GNAS: variants seen among roughly 807,000 people sequenced by gnomAD.
GNAS encodes the protein GNAS complex locus.
Under a neutral mutation model 54.5 loss-of-function variants are expected in GNAS, and 8 were observed. The ratio of observed to expected loss-of-function variants is 0.15; its 90% confidence interval spans 0.09 to 0.26. The LOEUF (loss-of-function observed/expected upper bound fraction) is 0.26. Among genes scored for constraint, GNAS ranks in the 10% least tolerant of loss-of-function variants. The pLI, the probability that GNAS is intolerant of heterozygous loss-of-function variation, is 1.00. For missense variants in GNAS, 170 were observed against 529.8 expected (o/e 0.32, Z 6.67); for synonymous variants, 204 against 191.4 (o/e 1.07, Z -0.54).
rs200894273 is a variant in GNAS, at chr20:58,898,873, CTGTG to C, written c.213-65_213-62del. ...CTGATGGTTGAGGAATGTAGAGAGA[CTGTG>C]TGGGGTTTGTGTGACACTGCGGTGC... On this transcript the variant is annotated intron_variant, in intron 2 of 12. Transcript: ENST00000371085. 6.8e-5 allele frequency: 87 copies of C among 1,274,028 alleles called. No homozygotes were observed. In the African/African-American group the frequency reaches 1.0e-3, roughly 15 times the overall value. 78.9% of individuals were successfully genotyped at this position (1,274,028 alleles called of 1,614,324 possible).
chr20:58,851,871 C>A (rs954111592), intron 1 of GNAS, among the ~76,000 whole-genome samples: 4 of 152,214 alleles, frequency 2.6e-5, no homozygotes, highest in South Asian at 2.1e-4. Flanking sequence ...GACTGACCAG[C>A]GCTGCGGCCG....
chr20:58,902,308 C>T (rs1246579986), intron 3 of GNAS, among the ~76,000 whole-genome samples: 1 of 152,142 alleles, frequency 6.6e-6, no homozygotes, highest in African/African-American at 2.4e-5. Context: ...TTCTTGCCCT[C>T]TAAAAACATA....
chr20:58,840,832 C>T (rs1228262845), upstream of GNAS: 1 of 1,612,788 alleles, frequency 6.2e-7, no homozygotes, highest in Non-Finnish European at 8.5e-7. This position sits in a 1 kb window ranked among gnomAD's most constrained non-coding sequence, Gnocchi z 6.0. Flanking sequence ...CCATCCCCAT[C>T]CGGCGTCACT....
chr20:58,867,866 A>G (rs963732603), intron 1 of GNAS, among the ~76,000 whole-genome samples: 16 of 152,182 alleles, frequency 1.1e-4, no homozygotes, highest in African/African-American at 3.6e-4. Context: ...AAGACACAAG[A>G]TGGGGGCAGG....
At chr20:58,842,254 A>G (rs2085766909) in intron 1 of GNAS, 2 of 398,298 alleles carry the variant, frequency 5.0e-6, no homozygotes, top group African/African-American at 2.1e-5. Flanking sequence ...GTCTTTAAAA[A>G]ATCTCATCCG....
At chr20:58,843,814 C>A (rs1470717149) in intron 1 of GNAS, among the ~76,000 whole-genome samples, 1 of 152,166 alleles carries the variant, frequency 6.6e-6, no homozygotes, top group Non-Finnish European at 1.5e-5. Context: ...CTTATCTGAG[C>A]TGGGAATTTA....
At chr20:58,850,875 C>T in intron 1 of GNAS, 1 of 398,840 alleles carries the variant, frequency 2.5e-6, no homozygotes, top group Non-Finnish European at 4.4e-6. Context: ...AGCAGCACCT[C>T]TTCGGGCGTT....
intron 2 of GNAS, chr20:58,897,369 A>C (rs553349848): frequency 1.3e-5 from 2 of 152,372 alleles, no homozygotes; most frequent in African/African-American, 4.8e-5. Flanking sequence ...TGCAACTTGC[A>C]GGAGTACTTA....
intron 1 of GNAS, among the ~76,000 whole-genome samples, chr20:58,869,895 G>A (rs967667255): frequency 6.6e-6 from 1 of 152,162 alleles, no homozygotes; most frequent in African/African-American, 2.4e-5. Flanking sequence ...TCGTTTCCAC[G>A]GGAGGGGAAG....
chr20:58,865,480 T>A (rs1426405178), intron 1 of GNAS, among the ~76,000 whole-genome samples: 1 of 147,988 alleles, frequency 6.8e-6, no homozygotes, highest in East Asian at 1.9e-4. Context: ...ATACAAAATA[T>A]ATATAATATG....
intron 1 of GNAS, chr20:58,895,354 CAAAAGA>C (rs1274150857): frequency 2.1e-6 from 1 of 479,426 alleles, no homozygotes; most frequent in African/African-American, 2.0e-5. Flanking sequence ...TTTAAACAAT[CAAAAGA>C]AAAATTAAAA....
chr20:58,852,584 C>G (rs1165172278), intron 1 of GNAS: 1 of 177,774 alleles, frequency 5.6e-6, no homozygotes, highest in African/African-American at 2.4e-5. Context: ...GTCCCCCCTC[C>G]CCCGAGGAGT....
intron 1 of GNAS, among the ~76,000 whole-genome samples, chr20:58,880,326 G>T (rs2088142900): frequency 6.6e-6 from 1 of 152,158 alleles, no homozygotes; most frequent in South Asian, 2.1e-4. Flanking sequence ...TGCAGGCAGG[G>T]CAGAGCCCAG....
intron 2 of GNAS, chr20:58,897,680 G>A (rs1423742450): frequency 6.6e-6 from 1 of 152,204 alleles, no homozygotes; most frequent in Non-Finnish European, 1.5e-5. Context: ...TTTGGAAAGA[G>A]GAAGCAACAT....
chr20:58,840,172 G>A (rs1380642653), upstream of GNAS: 3 of 1,611,588 alleles, frequency 1.9e-6, no homozygotes, highest in Admixed American at 1.7e-5. The surrounding 1 kb of genome is among the most constrained non-coding windows in gnomAD (Gnocchi z 6.0). Context: ...ACCTGTGCCC[G>A]CCCATAGGCC....
chr20:58,889,382 C>CG, upstream of GNAS: 1 of 983,596 alleles, frequency 1.0e-6, no homozygotes, highest in Non-Finnish European at 1.2e-6. Context: ...GGGCCTCCCG[C>CG]GGAAGTGCGA....
At chr20:58,846,382 C>T (rs1467331887) in intron 1 of GNAS, among the ~76,000 whole-genome samples, 2 of 152,172 alleles carry the variant, frequency 1.3e-5, no homozygotes, top group African/African-American at 2.4e-5. Context: ...CATTGGAGGG[C>T]TACCAATGAG....
At chr20:58,889,757 G>A (rs2088949942), upstream of GNAS, among the ~76,000 whole-genome samples, 1 of 149,342 alleles carries the variant, frequency 6.7e-6, no homozygotes, top group South Asian at 2.1e-4. Flanking sequence ...CCGGGGCAGC[G>A]CGGCGGGAAC....
intron 1 of GNAS, among the ~76,000 whole-genome samples, chr20:58,860,285 GCTA>G (rs1187857670): frequency 6.6e-6 from 1 of 151,198 alleles, no homozygotes; most frequent in Non-Finnish European, 1.5e-5. Flanking sequence ...AGTTTGTTGG[GCTA>G]CTGTTTTCCT....
Sources: allele counts gnomAD v4.1 joint callset (sites outside exome capture counted in the v4.1 genomes callset), GRCh38; gene constraint gnomAD v4.1.1; non-coding constraint Gnocchi (gnomAD v3.1); transcripts MANE v1.5; gene names NCBI Gene and HGNC (gene_info 2026-07-23, HGNC 2026-07-21).